FAT2: variants seen among roughly 807,000 people sequenced by gnomAD.
FAT2 encodes the protein FAT atypical cadherin 2.
FAT2 carries 150 observed loss-of-function variants against 295.3 expected under a neutral mutation model. That is an observed-to-expected ratio of 0.51 (90% CI 0.44 to 0.58). FAT2 has a LOEUF of 0.58. Ranked by LOEUF, FAT2 falls within the 20% of genes least tolerant of loss-of-function variation. The pLI is 0.00. For synonymous variants in FAT2, 2,026 were observed against 2,150.3 expected (o/e 0.94, Z 1.60); for missense variants, 4,868 against 5,442.7 (o/e 0.89, Z 3.32).
rs764144444 is a variant in FAT2 at position 151,528,093 on chromosome 5, A to T, written c.10067T>A (p.Ile3356Asn). Reference protein sequence around the residue: ...TDEDGPLNSDITYSLIGGNQL... With the variant: ...TDEDGPLNSDNTYSLIGGNQL... ...GTTCCCTCCTATGAGGCTATAGGTA[A>T]TGTCACTATTTAGGGGTCCATCTTC... is the stretch of plus-strand genomic sequence containing the variant. Residue 3356 changes from isoleucine (I) to asparagine (N), a missense_variant, in exon 16 of 24, where the codon ATT becomes AAT. Transcript: ENST00000261800. 6.2e-7 allele frequency: 1 copy of T among 1,614,186 alleles called. No individual in the cohort carries two copies. Among genetic ancestry groups the T allele is most frequent in the Non-Finnish European group, 8.5e-7 (1 of 1,180,030 alleles).
chr5:151,545,001 C>T lies in FAT2; in HGVS notation c.6126G>A (p.Val2042=), dbSNP rs2127611063. The part of the protein sequence containing the change: ...QQDTHELAVE[V]RDNRTPQRVA... ...CCCGCTGAGGTGTCCGATTGTCCCTCACTTCCACTGCCAACTCATGAGTGT... is the reference window on the plus strand; with the variant it reads ...CCCGCTGAGGTGTCCGATTGTCCCTTACTTCCACTGCCAACTCATGAGTGT... The change falls in exon 10 of 24, where the codon GTG becomes GTA. Residue 2042 remains valine (V), a synonymous_variant. Transcript: ENST00000261800. 2 of 1,614,200 alleles carry T rather than the reference C, an allele frequency of 1.2e-6. No homozygotes were observed. Among genetic ancestry groups the T allele is most frequent in the Non-Finnish European group, 1.7e-6 (2 of 1,180,040 alleles).
intron 1 of FAT2, among the ~76,000 whole-genome samples, chr5:151,578,778 T>C (rs563162763): frequency 3.9e-5 from 6 of 152,334 alleles, no homozygotes; most frequent in South Asian, 4.1e-4. Flanking sequence ...GAGAATGTCA[T>C]TCAGCCTTAA....
chr5:151,540,092 G>C (rs570259990), intron 11 of FAT2, among the ~76,000 whole-genome samples: 1 of 152,238 alleles, frequency 6.6e-6, no homozygotes, highest in African/African-American at 2.4e-5. Context: ...ATTGGGCATG[G>C]CTGGCTGTAT....
At chr5:151,529,045 C>T (rs1754317486) in intron 15 of FAT2, 133 bp downstream of exon 15, 2 of 723,250 alleles carry the variant, frequency 2.8e-6, no homozygotes, top group African/African-American at 1.8e-5. Flanking sequence ...AAACCTCTGA[C>T]AAGTCAGAGT....
intron 3 of FAT2, among the ~76,000 whole-genome samples, chr5:151,561,313 G>T (rs1758003972): frequency 6.6e-6 from 1 of 152,208 alleles, no homozygotes; most frequent in African/African-American, 2.4e-5. Flanking sequence ...CAGGAGAGGG[G>T]CAAGATGAGG....
At chr5:151,535,472 A>G (rs1755167775) in intron 12 of FAT2, among the ~76,000 whole-genome samples, 1 of 152,118 alleles carries the variant, frequency 6.6e-6, no homozygotes, top group Non-Finnish European at 1.5e-5. Context: ...GAGCTTCCAT[A>G]TAGCTGAACA....
intron 1 of FAT2, among the ~76,000 whole-genome samples, chr5:151,586,040 A>G (rs1278316900): frequency 6.6e-6 from 1 of 152,234 alleles, no homozygotes; most frequent in African/African-American, 2.4e-5. Context: ...ACTGATAGCC[A>G]TCTCTACCGC....
In FAT2 at chr5:151,512,400, G is replaced by A. The variant is rs1761392457; in HGVS notation, c.11670C>T (p.His3890=). The change falls in exon 21 of 24, where the codon CAC becomes CAT. Residue 3890 remains histidine, a synonymous_variant. Coordinates refer to ENST00000261800, the MANE Select transcript of FAT2 (RefSeq NM_001447.3). The surrounding 1 kb of genome is among the most constrained non-coding windows in gnomAD (Gnocchi z 4.1). Reference sequence around the variant, plus strand: ...ACAGAATGAGGCCGCCCAGCAAGAGGTGCCTTTCGGGCCTCAGACCACGGC... The same window carrying A: ...ACAGAATGAGGCCGCCCAGCAAGAGATGCCTTTCGGGCCTCAGACCACGGC... The part of the protein sequence containing the change: ...ENCRGLRPER[H]LLLGGLILLH... 1 of 1,614,114 alleles carries A rather than the reference G, an allele frequency of 6.2e-7. No individual in the cohort carries two copies.
rs530796348 is a variant in FAT2, at chr5:151,581,837, C to T, written c.-21+9328G>A. Among the ~76,000 whole-genome samples the T allele has an allele frequency of 7.9e-5, 12 of 152,314 alleles. No individual in the cohort carries two copies. The East Asian group carries it at 2.1e-3, about 27-fold the overall frequency. ...GGGGAGGATCATATGATCCCTCCCCCATATCAGGGATCACATAACCTCAGA... is the reference window on the plus strand; with the variant it reads ...GGGGAGGATCATATGATCCCTCCCCTATATCAGGGATCACATAACCTCAGA... On this transcript the variant is annotated intron_variant, in intron 1 of 23. Transcript: ENST00000261800.
chr5:151,541,998 T>C (rs1561847688), intron 10 of FAT2, among the ~76,000 whole-genome samples: 1 of 152,232 alleles, frequency 6.6e-6, no homozygotes. Context: ...TGACAGCAGT[T>C]AGAGTATGAC....
chr5:151,563,258 T>G (rs2127641178), intron 3 of FAT2, 67 bp downstream of exon 3: 3 of 1,449,942 alleles, frequency 2.1e-6, no homozygotes, highest in Non-Finnish European at 2.9e-6. Context: ...ATGGTGCCGA[T>G]TTGGGCCCAC....
At chr5:151,509,050 G>A (rs1362321598) in intron 22 of FAT2, among the ~76,000 whole-genome samples, 1 of 152,144 alleles carries the variant, frequency 6.6e-6, no homozygotes, top group African/African-American at 2.4e-5. Flanking sequence ...AGGAATGACA[G>A]TTTCCCTTGC....
chr5:151,550,473 C>T lies in FAT2; in HGVS notation c.4578+117G>A, dbSNP rs545112876. On this transcript the variant is annotated intron_variant, in intron 8 of 23. Coordinates refer to ENST00000261800, the MANE Select transcript of FAT2 (RefSeq NM_001447.3). Reference sequence around the variant, plus strand: ...TAGCCAGCTGTGAAATGTCACAACTCTGTCTCGTGCATGGTCCTTATGAGG... The same window carrying T: ...TAGCCAGCTGTGAAATGTCACAACTTTGTCTCGTGCATGGTCCTTATGAGG... 2.0e-4 allele frequency: 240 copies of T among 1,187,266 alleles called. 2 individuals carry two copies. The South Asian group carries it at 2.8e-3, about 14-fold the overall frequency. 73.5% of individuals were successfully genotyped at this position (1,187,266 alleles called of 1,614,324 possible).
chr5:151,555,854 T>G (rs1367277862), intron 4 of FAT2, among the ~76,000 whole-genome samples: 1 of 152,184 alleles, frequency 6.6e-6, no homozygotes, highest in East Asian at 1.9e-4. Flanking sequence ...TCTGCTTCTC[T>G]TCTGATTTCA....
intron 3 of FAT2, among the ~76,000 whole-genome samples, chr5:151,559,913 G>T (rs1757947884): frequency 6.6e-6 from 1 of 152,154 alleles, no homozygotes; most frequent in African/African-American, 2.4e-5. Flanking sequence ...TGTTCACTAA[G>T]GTGCATAGAA....
chr5:151,533,393 A>AACACACACACACACAC (rs36215342), intron 13 of FAT2, among the ~76,000 whole-genome samples: 2 of 132,112 alleles, frequency 1.5e-5, no homozygotes, highest in African/African-American at 2.8e-5. Flanking sequence ...TGTTATCTCC[A>AACACACACACACACAC]ACACACACAC....
chr5:151,537,329 G>A lies in FAT2; in HGVS notation c.9193+464C>T, dbSNP rs77702551. The stretch of plus-strand genomic sequence containing the variant: ...GGGAAGAAAAAGAAAGAGAAAAAAA[G>A]AAAGAAAAGAAAAGAAAAGAAAAAA... On this transcript the variant is annotated intron_variant, in intron 12 of 23. Transcript: ENST00000261800. Among the ~76,000 whole-genome samples the A allele has an allele frequency of 5.9e-3, 599 of 101,734 alleles. 6 individuals carry two copies. Among genetic ancestry groups the A allele is most frequent in the Non-Finnish European group, 8.3e-3 (405 of 48,512 alleles). The allele number at this position is 101,734 out of a possible 152,430, so 66.7% of individuals were successfully genotyped here.
At chr5:151,591,876 C>T (rs990142558), upstream of FAT2, among the ~76,000 whole-genome samples, 2 of 152,156 alleles carry the variant, frequency 1.3e-5, no homozygotes, top group African/African-American at 4.8e-5. Context: ...ATAAAGGTTG[C>T]TAAGAAACCA....
intron 9 of FAT2, 104 bp from the exon 10 acceptor site, chr5:151,546,441 A>C: frequency 1.3e-6 from 1 of 753,602 alleles, no homozygotes; most frequent in South Asian, 1.8e-5. Flanking sequence ...TGGACAGAGC[A>C]AAATCTGCAT....
Sources: allele counts gnomAD v4.1 joint callset (sites outside exome capture counted in the v4.1 genomes callset), GRCh38; gene constraint gnomAD v4.1.1; non-coding constraint Gnocchi (gnomAD v3.1); transcripts MANE v1.5; gene names NCBI Gene and HGNC (gene_info 2026-07-23, HGNC 2026-07-21).